The following SGCD variants were observed in gnomAD, a reference collection of about 807,000 sequenced individuals.
SGCD encodes the protein sarcoglycan delta, also known as delta-sarcoglycan.
SGCD carries 18 observed loss-of-function variants against 36.6 expected under a neutral mutation model. The ratio of observed to expected loss-of-function variants is 0.49; its 90% CI spans 0.34 to 0.73. SGCD has a LOEUF of 0.73. Ranked by LOEUF, SGCD falls within the 30% of genes least tolerant of loss-of-function variation. The pLI is 0.01. For missense variants in SGCD, 387 were observed against 346.7 expected, an observed-to-expected ratio of 1.12 and a Z score of -0.92; for synonymous variants, 133 against 130.6, an observed-to-expected ratio of 1.02 and a Z score of -0.12.
chr5:156,259,328 T>TTACA (rs1765793529), intron 3 of SGCD, among the ~76,000 whole-genome samples: 1 of 151,962 alleles, frequency 6.6e-6, no homozygotes, highest in Non-Finnish European at 1.5e-5. Flanking sequence ...TTTTTATTAT[T>TTACA]TTGTAGAGTT....
chr5:156,345,486 C>T (rs1768896903), intron 3 of SGCD, among the ~76,000 whole-genome samples: 1 of 152,118 alleles, frequency 6.6e-6, no homozygotes, highest in Non-Finnish European at 1.5e-5. Context: ...AGCATAATTT[C>T]CTTTCTTGTT....
At chr5:156,576,022 C>A (rs1759929952) in intron 4 of SGCD, among the ~76,000 whole-genome samples, 1 of 151,986 alleles carries the variant, frequency 6.6e-6, no homozygotes, top group African/African-American at 2.4e-5. Flanking sequence ...TGTGCTGCAC[C>A]CATTAACCTG....
rs727504998 is a variant in SGCD at position 156,594,898 on chromosome 5, CCTCTCTAT to C, written c.383-17_383-10del. The C allele has an allele frequency of 1.3e-4, 177 of 1,414,082 alleles. No homozygotes were observed. The highest frequency in any genetic ancestry group is 2.0e-4 in the South Asian group (17 of 83,420). 87.6% of individuals were successfully genotyped at this position (1,414,082 alleles called of 1,614,324 possible). ...TTTTCTCTCTCTCTCTCTCCTCTCT[CCTCTCTAT>C]CTCTCTATCTCTCTATATCTCTCAG... On this transcript the variant is annotated intron_variant, in intron 5 of 8. Coordinates refer to ENST00000337851, the MANE Select transcript of SGCD (RefSeq NM_000337.6).
upstream of SGCD, among the ~76,000 whole-genome samples, chr5:156,325,782 C>T (rs1206926548): frequency 6.6e-6 from 1 of 152,110 alleles, no homozygotes; most frequent in Non-Finnish European, 1.5e-5. Context: ...TGGGGTGTCT[C>T]CAACTCCAAA....
intron 4 of SGCD, among the ~76,000 whole-genome samples, chr5:156,543,241 C>T (rs1385218575): frequency 1.3e-5 from 2 of 152,248 alleles, no homozygotes; most frequent in Non-Finnish European, 2.9e-5. Flanking sequence ...CAGTAGTACC[C>T]CCCATATACA....
intron 2 of SGCD, among the ~76,000 whole-genome samples, chr5:156,329,982 A>G (rs1160451331): frequency 1.5e-5 from 2 of 135,838 alleles, no homozygotes; most frequent in Non-Finnish European, 3.0e-5. Flanking sequence ...GCGCCACTGC[A>G]CTCCAGCCTG....
chr5:156,166,690 A>G (rs1199060282), intron 3 of SGCD, among the ~76,000 whole-genome samples: 2 of 152,198 alleles, frequency 1.3e-5, no homozygotes, highest in Non-Finnish European at 2.9e-5. Context: ...TGCATCTAAT[A>G]TGTCTGCCAA....
chr5:155,777,121 C>T, the SGCD span, among the ~76,000 whole-genome samples: 1 of 152,240 alleles, frequency 6.6e-6, no homozygotes, highest in African/African-American at 2.4e-5. Flanking sequence ...CATTATCAAA[C>T]TTGATGATCT....
At chr5:156,368,308 A>T (rs1770212744) in intron 3 of SGCD, among the ~76,000 whole-genome samples, 1 of 151,856 alleles carries the variant, frequency 6.6e-6, no homozygotes, top group Non-Finnish European at 1.5e-5. Context: ...GGCCAGGCTG[A>T]TCTTGAACTC....
chr5:156,099,832 A>G (rs1345259921), intron 1 of SGCD, among the ~76,000 whole-genome samples: 1 of 152,104 alleles, frequency 6.6e-6, no homozygotes, highest in Admixed American at 6.6e-5. Flanking sequence ...TGTTTAAGCC[A>G]CTAAGTTTGT....
At chr5:156,213,661 A>G (rs1764504130) in intron 3 of SGCD, among the ~76,000 whole-genome samples, 1 of 152,082 alleles carries the variant, frequency 6.6e-6, no homozygotes, top group East Asian at 1.9e-4. Flanking sequence ...ATGCCACTGT[A>G]AGGAAAATTT....
intron 3 of SGCD, among the ~76,000 whole-genome samples, chr5:156,443,012 G>A (rs10073373): frequency 0.02 from 3,091 of 151,956 alleles, 118 homozygotes; most frequent in African/African-American, 0.07. Flanking sequence ...TTTTTGAGAC[G>A]GAGTCTCTGT....
chr5:156,705,167 C>T (rs1457059555), intron 7 of SGCD, among the ~76,000 whole-genome samples: 2 of 152,146 alleles, frequency 1.3e-5, no homozygotes, highest in Non-Finnish European at 2.9e-5. Context: ...GGTACTTTCT[C>T]AGATATTAAA....
rs73300700 is a variant in SGCD at position 156,228,373 on chromosome 5, G to A, written c.-43-101161G>A. Among the ~76,000 whole-genome samples the A allele has an allele frequency of 8.3e-3, 1,263 of 152,196 alleles. 22 individuals carry two copies. The highest frequency in any genetic ancestry group is 0.029 in the African/African-American group (1,206 of 41,512). On this transcript the variant is annotated intron_variant, in intron 3 of 9. Coordinates refer to the SGCD transcript ENST00000517913. ...ATGTGATATTTTCCTGTTGGGCAAT[G>A]CCTTTTATCATTATATAATGTCCCT...
chr5:156,394,751 A>G (rs1174683783), intron 3 of SGCD, among the ~76,000 whole-genome samples: 3 of 152,202 alleles, frequency 2.0e-5, no homozygotes, highest in Non-Finnish European at 4.4e-5. Context: ...CTCTAAAAAT[A>G]TTGTGGCCCT....
intron 1 of SGCD, among the ~76,000 whole-genome samples, chr5:156,090,845 T>G (rs1326252548): frequency 6.6e-6 from 1 of 152,182 alleles, no homozygotes; most frequent in Non-Finnish European, 1.5e-5. Context: ...AAGAATTCAG[T>G]GATATTTCTC....
At chr5:155,746,398 A>C in the SGCD span, among the ~76,000 whole-genome samples, 1 of 152,012 alleles carries the variant, frequency 6.6e-6, no homozygotes. Context: ...GTCTCAAAAA[A>C]AAAGAACACT....
chr5:155,731,336 T>A, the SGCD span, among the ~76,000 whole-genome samples: 2 of 114,078 alleles, frequency 1.8e-5, no homozygotes, highest in African/African-American at 3.4e-5. Context: ...GGGAAAGGAG[T>A]GGGAATGGGT....
chr5:155,917,071 A>G lies in SGCD; in HGVS notation c.-282+46647A>G, dbSNP rs143399053. Among the ~76,000 whole-genome samples, 404 of 152,318 alleles carry G rather than the reference A, an allele frequency of 2.7e-3. 2 individuals are homozygous for G. The highest frequency in any genetic ancestry group is 7.7e-3 in the South Asian group (37 of 4,828). On this transcript the variant is annotated intron_variant, in intron 1 of 9. Transcript: ENST00000517913. ...TGATACAATGAAAGTAAAACCAGTC[A>G]TTATGCATCAAAGGCAGCTTGCATT...
Sources: gnomAD v4.1 joint callset for allele counts (sites outside exome capture counted in the v4.1 genomes callset) on GRCh38, gnomAD v4.1.1 for gene constraint, MANE v1.5 for transcripts, NCBI Gene and HGNC (gene_info 2026-07-23, HGNC 2026-07-21) for gene names.